PPP2R2A: variants seen among roughly 807,000 people sequenced by gnomAD.
PPP2R2A encodes the protein protein phosphatase 2 regulatory subunit Balpha.
A neutral mutation model predicts 53.2 loss-of-function variants in PPP2R2A; 9 were observed. That is an observed-to-expected ratio of 0.17 (90% CI 0.10 to 0.30). The LOEUF (loss-of-function observed/expected upper bound fraction) is 0.30. PPP2R2A is among the 10% of genes least tolerant of loss of function. The pLI is 1.00. For synonymous variants in PPP2R2A, 169 were observed against 174.2 expected (o/e 0.97, Z 0.23); for missense variants, 235 against 534.6 (o/e 0.44, Z 5.53).
chr8:26,302,802 A>G (rs541233802), intron 2 of PPP2R2A, among the ~76,000 whole-genome samples: 6 of 152,324 alleles, frequency 3.9e-5, no homozygotes, highest in East Asian at 1.9e-4. Context: ...GTGTAAAGCA[A>G]TGTCATTAAT....
chr8:26,354,825 T>G lies in PPP2R2A; in HGVS notation c.346+192T>G, dbSNP rs1473307565. ...TCTCTGAAAGATTCTCTGATAGCAA[T>G]TTTTTGTTTACTACACCTCCAATTT... On this transcript the variant is annotated intron_variant, in intron 4 of 9. Coordinates refer to ENST00000380737, the MANE Select transcript of PPP2R2A (RefSeq NM_002717.4). This position sits in a 1 kb window ranked among gnomAD's most constrained non-coding sequence, Gnocchi z 4.6. Among the ~76,000 whole-genome samples, 1 of 152,274 alleles carries G rather than the reference T, an allele frequency of 6.6e-6. No individual in the cohort carries two copies. The highest frequency in any genetic ancestry group is 1.5e-5 in the Non-Finnish European group (1 of 68,018).
chr8:26,293,821 G>A, intron 2 of PPP2R2A, 81 bp downstream of exon 2: 2 of 1,244,416 alleles, frequency 1.6e-6, no homozygotes, highest in Non-Finnish European at 2.3e-6. Context: ...TTGAAGCCGA[G>A]ACTGCTATAA....
chr8:26,291,737 C>T lies in PPP2R2A; in HGVS notation c.-83C>T. 4 of 1,218,564 alleles carry T rather than the reference C, an allele frequency of 3.3e-6. No homozygotes were observed. The highest frequency in any genetic ancestry group is 2.6e-5 in the South Asian group (2 of 77,840). The allele number at this position is 1,218,564 out of a possible 1,614,324, so 75.5% of individuals were successfully genotyped here. On this transcript the variant is annotated 5_prime_UTR_variant, in exon 1 of 10. Coordinates refer to ENST00000380737, the MANE Select transcript of PPP2R2A (RefSeq NM_002717.4). ...CATCCGCCGCCATCCGCCCTCTCTA[C>T]CCCCCCATCCCCAGGTGAGGGGGGT... is the stretch of plus-strand genomic sequence containing the variant.
At chr8:26,361,386 T>C in intron 6 of PPP2R2A, among the ~76,000 whole-genome samples, 1 of 152,224 alleles carries the variant, frequency 6.6e-6, no homozygotes, top group East Asian at 1.9e-4. Flanking sequence ...TTAAGGAATT[T>C]GTCTATTGTA....
intron 3 of PPP2R2A, among the ~76,000 whole-genome samples, chr8:26,348,664 A>G (rs987653947): frequency 6.6e-5 from 10 of 152,218 alleles, no homozygotes; most frequent in African/African-American, 1.4e-4. Context: ...TAAAAGCACA[A>G]TGGAGTTACT....
In PPP2R2A at chr8:26,354,096, G is replaced by A. The variant is rs1804652118; in HGVS notation, c.181-372G>A. The stretch of plus-strand genomic sequence containing the variant: ...GTGTGCCTCACCTAGCTCTTTCTGG[G>A]CAAGACTTTATCATTATTTTTAGAT... On this transcript the variant is annotated intron_variant, in intron 3 of 9. Transcript: ENST00000380737. This position sits in a 1 kb window ranked among gnomAD's most constrained non-coding sequence, Gnocchi z 4.6. Among the ~76,000 whole-genome samples the A allele has an allele frequency of 6.6e-6, 1 of 152,038 alleles. No individual in the cohort carries two copies. Among genetic ancestry groups the A allele is most frequent in the Non-Finnish European group, 1.5e-5 (1 of 68,016 alleles).
At chr8:26,341,683 T>C (rs1232711602) in intron 3 of PPP2R2A, among the ~76,000 whole-genome samples, 1 of 152,212 alleles carries the variant, frequency 6.6e-6, no homozygotes, top group African/African-American at 2.4e-5. Flanking sequence ...ATGAGGGTGC[T>C]AGCCTTGTTT....
chr8:26,308,102 T>A (rs971942359), intron 2 of PPP2R2A, among the ~76,000 whole-genome samples: 1 of 152,262 alleles, frequency 6.6e-6, no homozygotes, highest in African/African-American at 2.4e-5. Context: ...ATAGCGTTAA[T>A]GTCTGAAACA....
chr8:26,370,581 T>C lies in PPP2R2A; in HGVS notation c.*168T>C. 1 of 766,060 alleles carries C rather than the reference T, an allele frequency of 1.3e-6. No individual in the cohort carries two copies. Among genetic ancestry groups the C allele is most frequent in the Non-Finnish European group, 2.1e-6 (1 of 486,968 alleles). 47.5% of individuals were successfully genotyped at this position (766,060 alleles called of 1,614,324 possible). A position where few individuals can be genotyped will look rare whatever the true frequency, so the allele number is the denominator to read the frequency against. ...AGCTACATGGAGAAAGCTCTGTGGA[T>C]TCATCACTGTGGTGTTCTCCATGTC... On this transcript the variant is annotated 3_prime_UTR_variant, in exon 10 of 10. Transcript: ENST00000380737. The surrounding 1 kb of genome is among the most constrained non-coding windows in gnomAD (Gnocchi z 6.1).
chr8:26,314,725 G>A (rs1471069717), intron 2 of PPP2R2A, among the ~76,000 whole-genome samples: 2 of 152,258 alleles, frequency 1.3e-5, no homozygotes, highest in East Asian at 3.9e-4. Flanking sequence ...TCTGGATGAT[G>A]TGCTTTGGTG....
In PPP2R2A at chr8:26,291,697, T is replaced by G; in HGVS notation, c.-123T>G. ...CCTTTTCCCCCCGGCCCCCGTCCCC[T>G]CCCCCCGCAGGTGCCATCCGCCGCC... On this transcript the variant is annotated 5_prime_UTR_variant, in exon 1 of 10. Transcript: ENST00000380737. 5.3e-5 allele frequency: 5 copies of G among 93,650 alleles called. No individual in the cohort carries two copies. Among genetic ancestry groups the G allele is most frequent in the Non-Finnish European group, 8.5e-5 (4 of 47,010 alleles). The allele number at this position is 93,650 out of a possible 1,614,324, so 5.8% of individuals were successfully genotyped here.
chr8:26,339,669 A>C (rs1585379099), intron 3 of PPP2R2A, among the ~76,000 whole-genome samples: 1 of 152,088 alleles, frequency 6.6e-6, no homozygotes, highest in South Asian at 2.1e-4. Flanking sequence ...GTTTTTTCTT[A>C]TTCATTCTCT....
chr8:26,347,187 TA>T (rs1276834356), intron 3 of PPP2R2A, among the ~76,000 whole-genome samples: 2 of 151,028 alleles, frequency 1.3e-5, no homozygotes, highest in African/African-American at 2.5e-5. Flanking sequence ...TTTTTTTTTT[TA>T]ATCTAACACC....
chr8:26,318,146 A>G (rs1016934802), intron 2 of PPP2R2A, among the ~76,000 whole-genome samples: 2 of 152,212 alleles, frequency 1.3e-5, no homozygotes, highest in African/African-American at 4.8e-5. Flanking sequence ...GGCCACTCTT[A>G]GGGACGATTA....
chr8:26,332,385 A>AGGG (rs2117304721), intron 2 of PPP2R2A, among the ~76,000 whole-genome samples: 1 of 151,548 alleles, frequency 6.6e-6, no homozygotes, highest in East Asian at 1.9e-4. Context: ...AAAAAAGAAG[A>AGGG]AGATACAAAT....
intron 2 of PPP2R2A, among the ~76,000 whole-genome samples, chr8:26,318,221 C>T (rs1802659707): frequency 6.6e-6 from 1 of 152,172 alleles, no homozygotes; most frequent in Non-Finnish European, 1.5e-5. Flanking sequence ...CTCTTTCCTT[C>T]CTCCTTCCAG....
At position 26,372,288 on chromosome 8, in the gene PPP2R2A, C is replaced by G. The variant is rs1489102248; in HGVS notation, c.*1875C>G. ...GTGTTTATTCTTCACGCTTGACTTG[C>G]AAGTGGGATATTCCCCTGCCACAAG... is the stretch of plus-strand genomic sequence containing the variant. On this transcript the variant is annotated 3_prime_UTR_variant, in exon 10 of 10. Coordinates refer to ENST00000380737, the MANE Select transcript of PPP2R2A (RefSeq NM_002717.4). The G allele has an allele frequency of 6.6e-6, 1 of 152,184 alleles. No homozygotes were observed. The highest frequency in any genetic ancestry group is 1.5e-5 in the Non-Finnish European group (1 of 68,032). The allele number at this position is 152,184 out of a possible 1,614,324, so 9.4% of individuals were successfully genotyped here.
chr8:26,360,696 T>C lies in PPP2R2A; in HGVS notation c.460-278T>C, dbSNP rs571848093. The C allele has an allele frequency of 1.8e-4, 71 of 391,626 alleles. No individual in the cohort carries two copies. Among genetic ancestry groups the C allele is most frequent in the African/African-American group, 1.4e-3 (69 of 47,778 alleles). 24.3% of individuals were successfully genotyped at this position (391,626 alleles called of 1,614,324 possible). Reference sequence around the variant, plus strand: ...GCCTCTTTAATCTGAACCATAAACATTTATTAGCTTGGCATGTCTTTCAAG... The same window carrying C: ...GCCTCTTTAATCTGAACCATAAACACTTATTAGCTTGGCATGTCTTTCAAG... On this transcript the variant is annotated intron_variant, in intron 5 of 9. Coordinates refer to ENST00000380737, the MANE Select transcript of PPP2R2A (RefSeq NM_002717.4). The surrounding 1 kb of genome is among the most constrained non-coding windows in gnomAD (Gnocchi z 4.5).
At position 26,298,941 on chromosome 8, in the gene PPP2R2A, AATAC is replaced by A. The variant is rs780202128; in HGVS notation, c.82+5204_82+5207del. Among the ~76,000 whole-genome samples, 40 of 152,374 alleles carry A rather than the reference AATAC, an allele frequency of 2.6e-4. 1 individual carries two copies. Among genetic ancestry groups the A allele is most frequent in the Admixed American group, 1.1e-3 (17 of 15,302 alleles). ...GTGGAAATAAATTATTAAAAATTCA[AATAC>A]ATGTGGATAATCTGAAGTGTGTAAT... is the stretch of plus-strand genomic sequence containing the variant. On this transcript the variant is annotated intron_variant, in intron 2 of 9. Coordinates refer to ENST00000380737, the MANE Select transcript of PPP2R2A (RefSeq NM_002717.4).
Sources: gnomAD v4.1 joint callset for allele counts (sites outside exome capture counted in the v4.1 genomes callset) on GRCh38, gnomAD v4.1.1 for gene constraint, Gnocchi (gnomAD v3.1) non-coding constraint, MANE v1.5 for transcripts, NCBI Gene and HGNC (gene_info 2026-07-23, HGNC 2026-07-21) for gene names.